The following TSPAN7 variants were observed in gnomAD, a reference collection of about 807,000 sequenced individuals.
TSPAN7 encodes tetraspanin-7.
In TSPAN7, 1 loss-of-function variant was observed where a neutral mutation model predicts 17.6. That is an observed-to-expected ratio of 0.06 (90% CI 0.02 to 0.27). The LOEUF is 0.27. TSPAN7 is among the 10% of genes least tolerant of loss of function. The probability of loss-of-function intolerance (pLI) is 1.00; values close to 1 mark genes in which losing one functional copy is unlikely to be tolerated. For synonymous variants in TSPAN7, 78 were observed against 79.0 expected, an observed-to-expected ratio of 0.99 and a Z score of 0.07; for missense variants, 112 against 201.7, an observed-to-expected ratio of 0.56 and a Z score of 2.69.
intron 1 of TSPAN7, among the ~76,000 whole-genome samples, chrX:38,657,107 A>G (rs768421757): frequency 1.8e-5 from 2 of 111,728 alleles, no homozygotes; most frequent in South Asian, 3.8e-4. Flanking sequence ...CCAATTCAAT[A>G]GGGCTGACCA....
At chrX:38,600,165 G>A (rs2069338161) in intron 1 of TSPAN7, among the ~76,000 whole-genome samples, 1 of 111,536 alleles carries the variant, frequency 9.0e-6, no homozygotes, top group Non-Finnish European at 1.9e-5. Context: ...GAGGAATCAA[G>A]GGTTGCTTGG....
intron 1 of TSPAN7, among the ~76,000 whole-genome samples, chrX:38,613,585 G>T (rs904399861): frequency 9.0e-6 from 1 of 111,600 alleles, no homozygotes; most frequent in East Asian, 2.8e-4. Context: ...ATGCCCTAGA[G>T]AAGCCTTCAA....
intron 2 of TSPAN7, among the ~76,000 whole-genome samples, chrX:38,670,540 G>A (rs770059009): frequency 1.2e-4 from 14 of 112,395 alleles, no homozygotes; most frequent in Admixed American, 7.5e-4. Context: ...GCAGCATCCC[G>A]AACAAGAAAG....
chrX:38,601,926 C>T (rs1276212103), intron 1 of TSPAN7, among the ~76,000 whole-genome samples: 1 of 111,253 alleles, frequency 9.0e-6, no homozygotes, highest in Non-Finnish European at 1.9e-5. Context: ...GATGAGTTCT[C>T]AGGAATAATG....
Position 38,656,191 on chromosome X carries a change from G to A in TSPAN7, c.82-9930G>A, listed in dbSNP as rs1217203725. On this transcript the variant is annotated intron_variant, in intron 1 of 7. Coordinates refer to ENST00000378482, the MANE Select transcript of TSPAN7 (RefSeq NM_004615.4). ...TGGCTGAGGCTTTGGTGGATATAAA[G>A]GAGGAAAGGATTTATTCCTTCCCCA... 4 of 203,411 alleles carry A rather than the reference G, an allele frequency of 2.0e-5. No homozygotes were observed. The South Asian group carries it at 2.9e-4, about 15-fold the overall frequency. 16.8% of individuals were successfully genotyped at this position (203,411 alleles called of 1,213,427 possible).
intron 1 of TSPAN7, among the ~76,000 whole-genome samples, chrX:38,664,640 C>A (rs2069770792): frequency 8.9e-6 from 1 of 112,391 alleles, no homozygotes; most frequent in African/African-American, 3.2e-5. Flanking sequence ...AACACTTTCA[C>A]CGCAACACTG....
chrX:38,599,747 G>A (rs189067806), intron 1 of TSPAN7, among the ~76,000 whole-genome samples: 2 of 111,617 alleles, frequency 1.8e-5, no homozygotes, highest in East Asian at 2.8e-4. Flanking sequence ...GCAACTGTGC[G>A]AGACTTGTGA....
At chrX:38,579,139 G>A (rs1275708247) in intron 1 of TSPAN7, among the ~76,000 whole-genome samples, 3 of 111,461 alleles carry the variant, frequency 2.7e-5, no homozygotes, top group African/African-American at 6.5e-5. Flanking sequence ...GAAGAGAACC[G>A]TTAATTCTTT....
chrX:38,601,696 G>A (rs904363021), intron 1 of TSPAN7, among the ~76,000 whole-genome samples: 3 of 111,767 alleles, frequency 2.7e-5, no homozygotes, highest in African/African-American at 9.7e-5. Flanking sequence ...AGCTATTGTT[G>A]TATAAAAATC....
chrX:38,677,014 A>G (rs1309842768), intron 5 of TSPAN7, among the ~76,000 whole-genome samples: 2 of 111,993 alleles, frequency 1.8e-5, no homozygotes, highest in Admixed American at 9.5e-5. Context: ...TGGCAGTGAG[A>G]TATTTGATAT....
At chrX:38,637,696 A>G (rs901451242) in intron 1 of TSPAN7, among the ~76,000 whole-genome samples, 4 of 112,085 alleles carry the variant, frequency 3.6e-5, no homozygotes, top group Admixed American at 1.9e-4. Flanking sequence ...TCCTAGTTGC[A>G]AGTTTATTTT....
chrX:38,678,072 A>T (rs1253938583), intron 5 of TSPAN7, among the ~76,000 whole-genome samples: 1 of 112,327 alleles, frequency 8.9e-6, no homozygotes, highest in African/African-American at 3.2e-5. Context: ...GATAACTGGG[A>T]GAGAACAGGA....
rs186204643 is a variant in TSPAN7, at chrX:38,681,132, G to A, written c.598-72G>A. ...TAAGGTTGAAGTGTATGTTGGGAGTGTTTCGAGTACACATAGCCCAGCTTG... is the reference window on the plus strand; with the variant it reads ...TAAGGTTGAAGTGTATGTTGGGAGTATTTCGAGTACACATAGCCCAGCTTG... On this transcript the variant is annotated intron_variant, in intron 5 of 7. Transcript: ENST00000378482. 110 of 861,067 alleles carry A rather than the reference G, an allele frequency of 1.3e-4. No individual in the cohort carries two copies. The East Asian group carries it at 3.4e-3, about 27-fold the overall frequency. 71.0% of individuals were successfully genotyped at this position (861,067 alleles called of 1,213,427 possible). A position where few individuals can be genotyped will look rare whatever the true frequency, so the allele number is the denominator to read the frequency against.
intron 1 of TSPAN7, among the ~76,000 whole-genome samples, chrX:38,657,421 A>G (rs1029637293): frequency 9.0e-6 from 1 of 111,625 alleles, no homozygotes; most frequent in Non-Finnish European, 1.9e-5. Flanking sequence ...TTACCACTTC[A>G]TGGGCCCACA....
At chrX:38,586,492 G>T (rs2069259179) in intron 1 of TSPAN7, among the ~76,000 whole-genome samples, 1 of 112,246 alleles carries the variant, frequency 8.9e-6, no homozygotes, top group Admixed American at 9.4e-5. Flanking sequence ...GTCCCACACA[G>T]GGGCTTATTT....
intron 1 of TSPAN7, among the ~76,000 whole-genome samples, chrX:38,584,441 C>A (rs112625009): frequency 0.026 from 2,940 of 111,758 alleles, 36 homozygotes; most frequent in Middle Eastern, 0.097. Flanking sequence ...CTGAAACTCA[C>A]ATGATCCTTT....
chrX:38,658,055 A>G (rs1298457445), intron 1 of TSPAN7, among the ~76,000 whole-genome samples: 4 of 109,496 alleles, frequency 3.7e-5, no homozygotes. Flanking sequence ...AATTGGATCT[A>G]GGATGTAATA....
intron 1 of TSPAN7, among the ~76,000 whole-genome samples, chrX:38,603,019 A>G (rs1255601378): frequency 1.8e-5 from 2 of 112,314 alleles, no homozygotes; most frequent in Admixed American, 9.4e-5. Flanking sequence ...ACTTTTGCAA[A>G]TCATATATCT....
chrX:38,612,314 C>T (rs1222807942), intron 1 of TSPAN7: 1 of 111,955 alleles, frequency 8.9e-6, no homozygotes, highest in African/African-American at 3.3e-5. Flanking sequence ...AGAAGCCTGC[C>T]TTGGAGTGAA....
Sources: allele counts gnomAD v4.1 joint callset (sites outside exome capture counted in the v4.1 genomes callset), GRCh38; gene constraint gnomAD v4.1.1; transcripts MANE v1.5; gene names NCBI Gene and HGNC (gene_info 2026-07-23, HGNC 2026-07-21).